FNIP1: variants seen among roughly 807,000 people sequenced by gnomAD.
FNIP1 encodes folliculin-interacting protein 1.
Under a neutral mutation model 124.5 loss-of-function variants are expected in FNIP1, and 40 were observed. The ratio of observed to expected loss-of-function variants is 0.32; its 90% CI spans 0.25 to 0.42. The LOEUF (loss-of-function observed/expected upper bound fraction) is 0.42, where lower values mean the gene tolerates loss of function less well. Ranked by LOEUF, FNIP1 falls within the 10% of genes least tolerant of loss-of-function variation. FNIP1 has a pLI of 1.00. For missense variants in FNIP1, 1,176 were observed against 1,403.7 expected (o/e 0.84, Z 2.59); for synonymous variants, 472 against 470.6 (o/e 1.00, Z -0.04).
chr5:131,693,336 A>ATATATATATATG (rs1768567809), intron 11 of FNIP1, among the ~76,000 whole-genome samples: 3 of 102,708 alleles, frequency 2.9e-5, no homozygotes, highest in African/African-American at 1.5e-4. Flanking sequence ...ATATATACAT[A>ATATATATATATG]TATATATATA....
chr5:131,730,315 C>G (rs1422597508), intron 3 of FNIP1, among the ~76,000 whole-genome samples: 1 of 152,110 alleles, frequency 6.6e-6, no homozygotes, highest in South Asian at 2.1e-4. Flanking sequence ...ATTAAAAAGT[C>G]AAGATTCTAT....
At chr5:131,743,271 G>A (rs1770569652) in intron 2 of FNIP1, among the ~76,000 whole-genome samples, 1 of 152,118 alleles carries the variant, frequency 6.6e-6, no homozygotes, top group Non-Finnish European at 1.5e-5. Context: ...TCTAGACACT[G>A]ATGAGTTTCT....
Position 131,643,503 on chromosome 5 carries a change from C to A in FNIP1, c.*1182G>T, listed in dbSNP as rs913198711. ...GAAAGTATTGAAAACTTTATCCACC[C>A]ACCTTTCTATTTACATTACTTACAA... On this transcript the variant is annotated 3_prime_UTR_variant, in exon 18 of 18. Transcript: ENST00000510461. 6.6e-6 allele frequency: 1 copy of A among 152,624 alleles called. No individual in the cohort carries two copies. Among genetic ancestry groups the A allele is most frequent in the Non-Finnish European group, 1.5e-5 (1 of 68,008 alleles). The allele number at this position is 152,624 out of a possible 1,614,324, so 9.5% of individuals were successfully genotyped here.
chr5:131,706,320 A>G, intron 9 of FNIP1, 91 bp downstream of exon 9: 2 of 1,328,512 alleles, frequency 1.5e-6, no homozygotes, highest in Non-Finnish European at 2.0e-6. Context: ...CTTAAAATAC[A>G]CAGAATACAA....
intron 16 of FNIP1, among the ~76,000 whole-genome samples, chr5:131,650,308 C>T (rs1280605710): frequency 6.6e-6 from 1 of 151,988 alleles, no homozygotes; most frequent in Non-Finnish European, 1.5e-5. Flanking sequence ...TGTTTTATAC[C>T]TTATAGTGTA....
intron 15 of FNIP1, among the ~76,000 whole-genome samples, chr5:131,653,798 G>A (rs1006807716): frequency 1.4e-4 from 21 of 152,106 alleles, no homozygotes; most frequent in Admixed American, 1.4e-3. Flanking sequence ...CTGGAGTACA[G>A]TGGCGTGATC....
intron 11 of FNIP1, among the ~76,000 whole-genome samples, chr5:131,685,577 C>T (rs977230954): frequency 6.6e-6 from 1 of 151,502 alleles, no homozygotes; most frequent in African/African-American, 2.4e-5. Flanking sequence ...CTGCCTCAGG[C>T]TCCTCAGTAG....
chr5:131,681,388 TAC>T (rs925118191), intron 11 of FNIP1, among the ~76,000 whole-genome samples: 4 of 152,110 alleles, frequency 2.6e-5, no homozygotes, highest in African/African-American at 9.7e-5. Context: ...ATTCCTAACC[TAC>T]AGTTTGTTAC....
chr5:131,717,808 T>C (rs987757451), intron 5 of FNIP1, among the ~76,000 whole-genome samples: 1 of 152,162 alleles, frequency 6.6e-6, no homozygotes, highest in African/African-American at 2.4e-5. Context: ...ATTTCTACTT[T>C]AGTAGATCTC....
intron 15 of FNIP1, among the ~76,000 whole-genome samples, chr5:131,670,167 C>G (rs746371891): frequency 6.6e-6 from 1 of 152,136 alleles, no homozygotes; most frequent in Non-Finnish European, 1.5e-5. Context: ...GAAAATAATT[C>G]CATTCAAACT....
At position 131,642,568 on chromosome 5, in the gene FNIP1, A is replaced by T. The variant is rs968386178; in HGVS notation, c.*2117T>A. The T allele has an allele frequency of 5.0e-5, 7 of 140,512 alleles. No homozygotes were observed. Among genetic ancestry groups the T allele is most frequent in the Non-Finnish European group, 7.8e-5 (5 of 63,912 alleles). The allele number at this position is 140,512 out of a possible 1,614,324, so 8.7% of individuals were successfully genotyped here. A position where few individuals can be genotyped will look rare whatever the true frequency, so the allele number is the denominator to read the frequency against. ...TCCAAGTGCTATACAGAGCTACAAT[A>T]AAAAAAAAAAAAAGTACAAGGCTGG... is the stretch of plus-strand genomic sequence containing the variant. On this transcript the variant is annotated 3_prime_UTR_variant, in exon 18 of 18. Coordinates refer to ENST00000510461, the MANE Select transcript of FNIP1 (RefSeq NM_133372.3).
At chr5:131,778,324 C>G (rs1771879032) in intron 1 of FNIP1, among the ~76,000 whole-genome samples, 1 of 152,090 alleles carries the variant, frequency 6.6e-6, no homozygotes, top group Non-Finnish European at 1.5e-5. Context: ...GTAATGTAGA[C>G]AGAGGAACAA....
intron 1 of FNIP1, 127 bp downstream of exon 1, chr5:131,796,703 C>G (rs1212033175): frequency 2.3e-6 from 2 of 851,936 alleles, no homozygotes; most frequent in African/African-American, 3.5e-5. Flanking sequence ...TCCACCCCAC[C>G]GAGGACCAGA....
At chr5:131,721,957 G>A (rs1769680789) in intron 3 of FNIP1, among the ~76,000 whole-genome samples, 1 of 152,154 alleles carries the variant, frequency 6.6e-6, no homozygotes. Flanking sequence ...TACCTACCAA[G>A]TATCTATTCT....
chr5:131,692,343 G>A (rs1260937108), intron 11 of FNIP1, among the ~76,000 whole-genome samples: 1 of 150,472 alleles, frequency 6.6e-6, no homozygotes, highest in Admixed American at 6.6e-5. Flanking sequence ...GTATAAATCT[G>A]AGAAAATATA....
chr5:131,700,668 C>G (rs183281496), intron 10 of FNIP1, among the ~76,000 whole-genome samples: 108 of 151,772 alleles, frequency 7.1e-4, no homozygotes, highest in Middle Eastern at 3.4e-3. Context: ...AATTAAATCA[C>G]AAATCTCAAA....
chr5:131,739,891 G>A (rs929883764), intron 2 of FNIP1, among the ~76,000 whole-genome samples: 1 of 150,622 alleles, frequency 6.6e-6, no homozygotes, highest in Admixed American at 6.6e-5. Flanking sequence ...GATAGGACTG[G>A]CTCATCCTCA....
intron 7 of FNIP1, 97 bp from the exon 8 acceptor site, chr5:131,709,369 A>C: frequency 1.0e-6 from 1 of 993,112 alleles, no homozygotes; most frequent in Non-Finnish European, 1.6e-6. Context: ...TGCTCATCTC[A>C]TTGCATTCCC....
At chr5:131,716,171 T>A (rs531218331) in intron 6 of FNIP1, among the ~76,000 whole-genome samples, 4 of 152,354 alleles carry the variant, frequency 2.6e-5, no homozygotes, top group African/African-American at 7.2e-5. Context: ...AGCATCATTT[T>A]AAAATAACTT....
Sources: gnomAD v4.1 joint callset for allele counts (sites outside exome capture counted in the v4.1 genomes callset) on GRCh38, gnomAD v4.1.1 for gene constraint, MANE v1.5 for transcripts, NCBI Gene and HGNC (gene_info 2026-07-23, HGNC 2026-07-21) for gene names.